HECTD2: variants seen among roughly 807,000 people sequenced by gnomAD.
HECTD2 encodes the protein probable E3 ubiquitin-protein ligase HECTD2.
Under a neutral mutation model 103.2 loss-of-function variants are expected in HECTD2, and 35 were observed. The ratio of observed to expected loss-of-function variants is 0.34; its 90% CI spans 0.26 to 0.45. HECTD2 has a LOEUF of 0.45. Ranked by LOEUF, HECTD2 falls within the 20% of genes least tolerant of loss-of-function variation. HECTD2 has a pLI of 1.00. For synonymous variants in HECTD2, 281 were observed against 329.9 expected (o/e 0.85, Z 1.61); for missense variants, 596 against 937.4 (o/e 0.64, Z 4.76).
chr10:91,445,105 GCTCA>G (rs1844543075), intron 2 of HECTD2, among the ~76,000 whole-genome samples: 2 of 152,156 alleles, frequency 1.3e-5, no homozygotes, highest in South Asian at 2.1e-4. Flanking sequence ...AATTTTGCTA[GCTCA>G]CTGTTTTCAC....
intron 20 of HECTD2, among the ~76,000 whole-genome samples, chr10:91,504,671 G>A (rs1385476403): frequency 2.8e-4 from 42 of 150,394 alleles, no homozygotes; most frequent in African/African-American, 6.9e-4. Flanking sequence ...TGAAAGTGAC[G>A]GGGAGAATGG....
In HECTD2 at chr10:91,506,686, A is replaced by G. The variant is rs1441258718; in HGVS notation, c.2210+5352A>G. 3.9e-5 allele frequency among the ~76,000 whole-genome samples: 6 copies of G among 152,152 alleles called. No homozygotes were observed. In the Middle Eastern group the frequency reaches 0.01, roughly 259 times the overall value. On this transcript the variant is annotated intron_variant, in intron 20 of 20. Coordinates refer to ENST00000298068, the MANE Select transcript of HECTD2 (RefSeq NM_182765.6). ...CCAGATGGATTCACAGCCGAGTTCT[A>G]CCAGAGGTACAAGGAGGAACTGGTA...
chr10:91,501,913 T>C (rs1195833425), intron 20 of HECTD2, among the ~76,000 whole-genome samples: 1 of 152,136 alleles, frequency 6.6e-6, no homozygotes, highest in Non-Finnish European at 1.5e-5. Flanking sequence ...TTTCTAAAGC[T>C]AACTTGAATA....
Position 91,410,575 on chromosome 10 carries a change from C to A in HECTD2, c.137C>A (p.Ala46Glu). ...GTATCGGCGGGCGCCGGCGCGACCG[C>A]GGTAGGTGGTGGGCCGGGGCCGTCT... The part of the protein sequence containing the change: ...PIVSAGAGAT[A>E]GLDRGAKGQI... Residue 46 changes from alanine (A) to glutamate (E), a missense_variant and splice_region_variant, in exon 1 of 21, where the codon GCG (alanine) becomes GAG (glutamate). Transcript: ENST00000298068. The A allele has an allele frequency of 7.1e-7, 1 of 1,415,992 alleles. No homozygotes were observed. 87.7% of individuals were successfully genotyped at this position (1,415,992 alleles called of 1,614,324 possible). A position where few individuals can be genotyped will look rare whatever the true frequency, so the allele number is the denominator to read the frequency against.
intron 20 of HECTD2, 46 bp from the exon 21 acceptor site, chr10:91,512,218 G>A (rs1847450277): frequency 6.3e-7 from 1 of 1,592,390 alleles, no homozygotes. Flanking sequence ...CAGTCATTTT[G>A]TGTGTGTTTC....
chr10:91,422,447 T>A (rs923912315), intron 1 of HECTD2, among the ~76,000 whole-genome samples: 5 of 152,206 alleles, frequency 3.3e-5, no homozygotes, highest in Non-Finnish European at 7.3e-5. Flanking sequence ...TTGGTTACTT[T>A]CTTATAACTG....
intron 19 of HECTD2, 58 bp downstream of exon 19, chr10:91,500,675 G>A: frequency 1.2e-6 from 1 of 821,364 alleles, no homozygotes; most frequent in South Asian, 1.5e-5. Flanking sequence ...CAGACAGTGT[G>A]GTTCATTTAT....
intron 1 of HECTD2, among the ~76,000 whole-genome samples, chr10:91,416,789 G>A (rs940721456): frequency 6.6e-6 from 1 of 152,116 alleles, no homozygotes; most frequent in Non-Finnish European, 1.5e-5. Context: ...CTCAGGCCCT[G>A]TATGTATTGC....
At chr10:91,458,365 A>G (rs554756146) in intron 2 of HECTD2, among the ~76,000 whole-genome samples, 2 of 152,120 alleles carry the variant, frequency 1.3e-5, no homozygotes, top group Non-Finnish European at 2.9e-5. Context: ...AATTGATACA[A>G]AAAGGAACTT....
At chr10:91,433,037 C>T (rs921243212) in intron 2 of HECTD2, among the ~76,000 whole-genome samples, 1 of 151,946 alleles carries the variant, frequency 6.6e-6, no homozygotes, top group Non-Finnish European at 1.5e-5. Context: ...AAGCAAAGGA[C>T]TTGCCACGTA....
At chr10:91,410,099 T>C (rs894618497), upstream of HECTD2, among the ~76,000 whole-genome samples, 11 of 151,766 alleles carry the variant, frequency 7.2e-5, no homozygotes, top group African/African-American at 2.7e-4. Flanking sequence ...CGGTCGGGCG[T>C]CGACCGTGGC....
At chr10:91,425,735 TAATC>T (rs1235449345) in intron 2 of HECTD2, among the ~76,000 whole-genome samples, 11 of 151,376 alleles carry the variant, frequency 7.3e-5, no homozygotes, top group Admixed American at 5.9e-4. Flanking sequence ...ATTTGAGCAA[TAATC>T]AATTAGAAGA....
At chr10:91,425,476 T>A in intron 2 of HECTD2, 66 bp downstream of exon 2, 1 of 1,214,050 alleles carries the variant, frequency 8.2e-7, no homozygotes, top group Non-Finnish European at 1.1e-6. Context: ...AAGTAGACAT[T>A]AATTATTCAG....
intron 2 of HECTD2, among the ~76,000 whole-genome samples, chr10:91,444,383 G>A (rs1317805267): frequency 6.6e-6 from 1 of 152,126 alleles, no homozygotes; most frequent in African/African-American, 2.4e-5. Flanking sequence ...GTAATGCCAA[G>A]GCCAAGAGGA....
At chr10:91,475,751 G>C (rs1330627118) in intron 5 of HECTD2, among the ~76,000 whole-genome samples, 2 of 152,302 alleles carry the variant, frequency 1.3e-5, no homozygotes, top group Non-Finnish European at 2.9e-5. Flanking sequence ...TGGTAAATTG[G>C]GTTATTTACA....
At chr10:91,499,181 G>T in intron 18 of HECTD2, 31 bp downstream of exon 18, 1 of 1,298,586 alleles carries the variant, frequency 7.7e-7, no homozygotes, top group Non-Finnish European at 1.1e-6. Flanking sequence ...CAAGCTTTCG[G>T]TTAGCTTTTG....
intron 20 of HECTD2, among the ~76,000 whole-genome samples, chr10:91,510,840 T>G (rs1847394087): frequency 6.6e-6 from 1 of 152,240 alleles, no homozygotes; most frequent in South Asian, 2.1e-4. Context: ...TGAACAACAC[T>G]GGTTTTTTAA....
intron 1 of HECTD2, 122 bp downstream of exon 1, chr10:91,410,698 A>T: frequency 1.1e-6 from 1 of 907,920 alleles, no homozygotes; most frequent in African/African-American, 1.7e-5. Context: ...CTCCAGGGAG[A>T]CGCACTCAGG....
chr10:91,490,839 C>T (rs984404176), intron 11 of HECTD2, among the ~76,000 whole-genome samples: 6 of 123,994 alleles, frequency 4.8e-5, no homozygotes, highest in African/African-American at 1.9e-4. Flanking sequence ...TGCAGTGAGC[C>T]GGGATAGCGC....
Sources: gnomAD v4.1 joint callset for allele counts (sites outside exome capture counted in the v4.1 genomes callset) on GRCh38, gnomAD v4.1.1 for gene constraint, MANE v1.5 for transcripts, NCBI Gene and HGNC (gene_info 2026-07-23, HGNC 2026-07-21) for gene names.